The following ZSWIM6 variants were observed in gnomAD, a reference collection of about 807,000 sequenced individuals.
ZSWIM6 encodes the protein zinc finger SWIM-type containing 6, also known as zinc finger SWIM domain-containing protein 6.
In ZSWIM6, 9 loss-of-function variants were observed where a neutral mutation model predicts 113.2. The ratio of observed to expected loss-of-function variants is 0.08; its 90% CI spans 0.05 to 0.14. The LOEUF is 0.14. Among genes scored for constraint, ZSWIM6 ranks in the 10% least tolerant of loss-of-function variants. ZSWIM6 has a pLI of 1.00. For synonymous variants in ZSWIM6, 611 were observed against 606.5 expected, an observed-to-expected ratio of 1.01 and a Z score of -0.11; for missense variants, 1,162 against 1,552.2, an observed-to-expected ratio of 0.75 and a Z score of 4.22.
intron 4 of ZSWIM6, among the ~76,000 whole-genome samples, chr5:61,516,071 A>G (rs1374294209): frequency 2.0e-5 from 3 of 151,702 alleles, no homozygotes; most frequent in Non-Finnish European, 4.4e-5. Flanking sequence ...GATTTCTTAT[A>G]CACAGTATAA....
rs1178911225 is a variant in ZSWIM6 at position 61,545,564 on chromosome 5, A to C, written c.*1247A>C. 1.3e-5 allele frequency: 2 copies of C among 152,170 alleles called. No homozygotes were observed. The highest frequency in any genetic ancestry group is 2.9e-5 in the Non-Finnish European group (2 of 68,022). The allele number at this position is 152,170 out of a possible 1,614,324, so 9.4% of individuals were successfully genotyped here. A position where few individuals can be genotyped will look rare whatever the true frequency, so the allele number is the denominator to read the frequency against. On this transcript the variant is annotated 3_prime_UTR_variant, in exon 14 of 14. Coordinates refer to ENST00000252744, the MANE Select transcript of ZSWIM6 (RefSeq NM_020928.2). ...AAGCTAACCTTTGTGCACAAATAACATTATATATATTATATATCTATTCTG... is the reference window on the plus strand; with the variant it reads ...AAGCTAACCTTTGTGCACAAATAACCTTATATATATTATATATCTATTCTG...
At chr5:61,448,858 GA>G (rs992801697) in intron 1 of ZSWIM6, among the ~76,000 whole-genome samples, 30 of 152,296 alleles carry the variant, frequency 2.0e-4, no homozygotes, top group Middle Eastern at 3.4e-3. Context: ...GAAGTAGTCT[GA>G]AAAAAATCAC....
intron 1 of ZSWIM6, among the ~76,000 whole-genome samples, chr5:61,336,936 G>C (rs1744411883): frequency 6.6e-6 from 1 of 152,158 alleles, no homozygotes; most frequent in Admixed American, 6.5e-5. Flanking sequence ...ATTTCAGAGA[G>C]GAAGACATGT....
At chr5:61,454,931 T>C (rs962950120) in intron 1 of ZSWIM6, among the ~76,000 whole-genome samples, 2 of 151,222 alleles carry the variant, frequency 1.3e-5, no homozygotes, top group Non-Finnish European at 2.9e-5. Flanking sequence ...CATCACATTC[T>C]CCAGCTTCAT....
chr5:61,371,789 T>TGATGAAA (rs1309728365), intron 1 of ZSWIM6, among the ~76,000 whole-genome samples: 76 of 152,238 alleles, frequency 5.0e-4, no homozygotes, highest in Non-Finnish European at 9.3e-4. Context: ...CAGTTTCCTT[T>TGATGAAA]CAAGGCATCT....
At chr5:61,469,008 C>T (rs1747503260) in intron 1 of ZSWIM6, among the ~76,000 whole-genome samples, 1 of 152,108 alleles carries the variant, frequency 6.6e-6, no homozygotes, top group Non-Finnish European at 1.5e-5. Context: ...CCCCCAGCCC[C>T]CGCCCGCCAA....
At chr5:61,377,961 A>G (rs1745405409) in intron 1 of ZSWIM6, among the ~76,000 whole-genome samples, 1 of 152,246 alleles carries the variant, frequency 6.6e-6, no homozygotes, top group African/African-American at 2.4e-5. Context: ...ACTACACCAG[A>G]TGCCATTTTT....
At chr5:61,538,443 C>T (rs1321675236) in intron 10 of ZSWIM6, among the ~76,000 whole-genome samples, 2 of 152,086 alleles carry the variant, frequency 1.3e-5, no homozygotes, top group South Asian at 4.2e-4. Context: ...TTTTTTGAGT[C>T]ATAGAATTCA....
chr5:61,371,215 T>G (rs1014798331), intron 1 of ZSWIM6, among the ~76,000 whole-genome samples: 3 of 152,252 alleles, frequency 2.0e-5, no homozygotes, highest in African/African-American at 4.8e-5. Flanking sequence ...TCTTCAAGTT[T>G]AGAAAGTTCT....
intron 1 of ZSWIM6, among the ~76,000 whole-genome samples, chr5:61,378,989 G>A (rs770154347): frequency 4.6e-5 from 7 of 151,994 alleles, no homozygotes; most frequent in Non-Finnish European, 8.8e-5. Context: ...AGACCAGCCT[G>A]GGTAATGTAG....
At chr5:61,379,774 C>T (rs1393513381) in intron 1 of ZSWIM6, among the ~76,000 whole-genome samples, 2 of 152,140 alleles carry the variant, frequency 1.3e-5, no homozygotes, top group African/African-American at 4.8e-5. Flanking sequence ...ACAAATACCT[C>T]CCTCAAAAAA....
intron 4 of ZSWIM6, among the ~76,000 whole-genome samples, chr5:61,498,675 T>C (rs1259534755): frequency 6.6e-6 from 1 of 152,140 alleles, no homozygotes; most frequent in Non-Finnish European, 1.5e-5. Flanking sequence ...ATTAACCTGC[T>C]CCATGGACCC....
At chr5:61,351,857 CACAT>C (rs1465157919) in intron 1 of ZSWIM6, among the ~76,000 whole-genome samples, 1 of 152,164 alleles carries the variant, frequency 6.6e-6, no homozygotes, top group African/African-American at 2.4e-5. Flanking sequence ...TGTTTGTACA[CACAT>C]GCATGTGTAA....
chr5:61,416,834 GACAACAAAAT>G (rs1746267283), intron 1 of ZSWIM6, among the ~76,000 whole-genome samples: 1 of 152,190 alleles, frequency 6.6e-6, no homozygotes, highest in Non-Finnish European at 1.5e-5. Flanking sequence ...TGAACAGAAA[GACAACAAAAT>G]AGTGCATAAG....
rs546199479 is a variant in ZSWIM6 at position 61,469,110 on chromosome 5, T to C, written c.677-3571T>C. Among the ~76,000 whole-genome samples, 269 of 152,258 alleles carry C rather than the reference T, an allele frequency of 1.8e-3. 1 individual carries two copies. The highest frequency in any genetic ancestry group is 6.0e-3 in the African/African-American group (248 of 41,534). ...GCATTAACTGAGGAAAAGAAGTTTCTATAAAGAAAGTTAGCAGTATAGGAG... is the reference window on the plus strand; with the variant it reads ...GCATTAACTGAGGAAAAGAAGTTTCCATAAAGAAAGTTAGCAGTATAGGAG... On this transcript the variant is annotated intron_variant, in intron 1 of 13. Transcript: ENST00000252744.
chr5:61,486,098 A>C (rs1224692743), intron 2 of ZSWIM6, among the ~76,000 whole-genome samples: 1 of 152,040 alleles, frequency 6.6e-6, no homozygotes, highest in Non-Finnish European at 1.5e-5. Flanking sequence ...CCATTAAGTA[A>C]TTTCTTGTCA....
chr5:61,443,461 T>C (rs148118578), intron 1 of ZSWIM6, among the ~76,000 whole-genome samples: 1 of 152,256 alleles, frequency 6.6e-6, no homozygotes, highest in East Asian at 1.9e-4. Context: ...AATTCTAACA[T>C]AACAGATAAG....
At chr5:61,375,725 A>G (rs1058429) in intron 1 of ZSWIM6, 6 of 1,542,854 alleles carry the variant, frequency 3.9e-6, no homozygotes, top group Admixed American at 3.9e-5. Flanking sequence ...GAGGAGGTGC[A>G]AGCAAAAAAG....
chr5:61,390,000 G>C (rs571600461), intron 1 of ZSWIM6, among the ~76,000 whole-genome samples: 52 of 152,326 alleles, frequency 3.4e-4, no homozygotes, highest in Middle Eastern at 6.8e-3. Context: ...GCATGAGACA[G>C]AATAGAATTT....
Sources: allele counts gnomAD v4.1 joint callset (sites outside exome capture counted in the v4.1 genomes callset), GRCh38; gene constraint gnomAD v4.1.1; transcripts MANE v1.5; gene names NCBI Gene and HGNC (gene_info 2026-07-23, HGNC 2026-07-21).